CCNJL: variants seen among roughly 807,000 people sequenced by gnomAD.
CCNJL encodes cyclin-J-like protein.
A neutral mutation model predicts 33.4 loss-of-function variants in CCNJL; 33 were observed. The ratio of observed to expected loss-of-function variants is 0.99; its 90% CI spans 0.75 to 1.32. The LOEUF (loss-of-function observed/expected upper bound fraction) is 1.32. CCNJL is among the 40% of genes most tolerant of loss of function. CCNJL has a pLI of 0.00. For missense variants in CCNJL, 512 were observed against 499.7 expected (o/e 1.02, Z -0.23); for synonymous variants, 227 against 220.9 (o/e 1.03, Z -0.24).
rs1554115469 is a variant in CCNJL at position 160,249,801 on chromosome 5, T to TAAATA, written c.*3572_*3576dup. 1.1e-4 allele frequency: 15 copies of TAAATA among 138,614 alleles called. No homozygotes were observed. Among genetic ancestry groups the TAAATA allele is most frequent in the African/African-American group, 3.5e-4 (13 of 36,898 alleles). The allele number at this position is 138,614 out of a possible 1,614,324, so 8.6% of individuals were successfully genotyped here. On this transcript the variant is annotated 3_prime_UTR_variant, in exon 6 of 6. Coordinates refer to ENST00000257536, the MANE Select transcript of CCNJL (RefSeq NM_001308173.3). ...ATAAATAAATAAATAAATAAATAAA[T>TAAATA]AAATAAAATAAAAATTTAAAAAATC...
intron 2 of CCNJL, among the ~76,000 whole-genome samples, chr5:160,302,124 T>C (rs1233510221): frequency 6.6e-6 from 1 of 152,210 alleles, no homozygotes; most frequent in Non-Finnish European, 1.5e-5. Flanking sequence ...GATCTGTATA[T>C]TGTACTGTAT....
chr5:160,315,996 CAGA>C (rs904993930), upstream of CCNJL, among the ~76,000 whole-genome samples: 24 of 152,314 alleles, frequency 1.6e-4, no homozygotes, highest in African/African-American at 5.5e-4. Context: ...AGAGGGAAAG[CAGA>C]AGCTTTGGGC....
intron 1 of CCNJL, among the ~76,000 whole-genome samples, chr5:160,324,798 A>G (rs1198729707): frequency 1.3e-5 from 2 of 152,190 alleles, no homozygotes; most frequent in African/African-American, 4.8e-5. Context: ...ACTGTCCTTT[A>G]CCAATCTTTC....
intron 2 of CCNJL, among the ~76,000 whole-genome samples, chr5:160,299,612 T>TAAA (rs35587377): frequency 6.9e-6 from 1 of 144,906 alleles, no homozygotes; most frequent in Admixed American, 6.9e-5. Flanking sequence ...GTTGTTATGT[T>TAAA]AAAAAAAAAA....
At chr5:160,257,552 C>T (rs1761123600) in intron 4 of CCNJL, among the ~76,000 whole-genome samples, 1 of 151,994 alleles carries the variant, frequency 6.6e-6, no homozygotes, top group Admixed American at 6.6e-5. Context: ...GTGGCTCACG[C>T]CTGTAATCCC....
chr5:160,304,191 T>G (rs1763018467), intron 2 of CCNJL, among the ~76,000 whole-genome samples: 1 of 152,218 alleles, frequency 6.6e-6, no homozygotes, highest in Non-Finnish European at 1.5e-5. Context: ...ACTGAGCATT[T>G]TGGTATTCTA....
At chr5:160,291,802 G>T (rs554250932) in intron 2 of CCNJL, among the ~76,000 whole-genome samples, 17 of 152,330 alleles carry the variant, frequency 1.1e-4, no homozygotes, top group Admixed American at 4.6e-4. Flanking sequence ...TACAAAAAGC[G>T]CATGGCAGCT....
chr5:160,327,017 G>A, intron 1 of CCNJL: 1 of 432,014 alleles, frequency 2.3e-6, no homozygotes, highest in South Asian at 2.0e-5. Context: ...GATACAGTTT[G>A]TTTTTAGATG....
intron 2 of CCNJL, among the ~76,000 whole-genome samples, chr5:160,299,385 C>T (rs369704995): frequency 2.0e-5 from 3 of 152,136 alleles, no homozygotes; most frequent in East Asian, 1.9e-4. Context: ...TTCCTGACCT[C>T]AGGTGATCCA....
chr5:160,309,842 T>C (rs935177164), intron 2 of CCNJL, among the ~76,000 whole-genome samples: 1 of 152,190 alleles, frequency 6.6e-6, no homozygotes, highest in African/African-American at 2.4e-5. Context: ...CCATCAGTCC[T>C]TGGGTGAGCT....
chr5:160,287,651 G>A (rs1395434932), intron 2 of CCNJL, among the ~76,000 whole-genome samples: 1 of 152,246 alleles, frequency 6.6e-6, no homozygotes, highest in Non-Finnish European at 1.5e-5. Context: ...CAGCAGCGCA[G>A]TGCAGGAAGC....
chr5:160,305,714 C>T (rs540629544), intron 2 of CCNJL, among the ~76,000 whole-genome samples: 3 of 152,242 alleles, frequency 2.0e-5, no homozygotes, highest in African/African-American at 7.2e-5. Flanking sequence ...TGATACAATC[C>T]GCGGTTTCAT....
intron 3 of CCNJL, among the ~76,000 whole-genome samples, chr5:160,277,393 A>C (rs770133735): frequency 2.0e-5 from 3 of 152,186 alleles, no homozygotes; most frequent in Non-Finnish European, 4.4e-5. Context: ...ACGTTGTCAA[A>C]TTATCCTTTT....
chr5:160,306,362 T>C (rs1763098134), intron 2 of CCNJL, among the ~76,000 whole-genome samples: 1 of 151,182 alleles, frequency 6.6e-6, no homozygotes, highest in South Asian at 2.1e-4. Flanking sequence ...AAAAAATGCA[T>C]TAGGTGGCTG....
chr5:160,276,466 T>G (rs1044310522), intron 3 of CCNJL: 2 of 151,682 alleles, frequency 1.3e-5, no homozygotes, highest in African/African-American at 4.8e-5. Flanking sequence ...CTGATACATG[T>G]TGCAACATGG....
chr5:160,271,496 T>C (rs115521383), intron 3 of CCNJL, among the ~76,000 whole-genome samples: 1,739 of 152,260 alleles, frequency 0.011, 26 homozygotes, highest in African/African-American at 0.038. Context: ...TGACAGGCAG[T>C]TTACACAAAA....
At chr5:160,298,358 A>T (rs1762815833) in intron 2 of CCNJL, among the ~76,000 whole-genome samples, 2 of 142,616 alleles carry the variant, frequency 1.4e-5, no homozygotes, top group Non-Finnish European at 3.1e-5. Flanking sequence ...GACTCTATTT[A>T]AAAAAAAAAA....
intron 2 of CCNJL, among the ~76,000 whole-genome samples, chr5:160,286,245 G>A (rs1762402588): frequency 6.6e-6 from 1 of 152,238 alleles, no homozygotes; most frequent in Admixed American, 6.5e-5. Context: ...AGTGAGAGAA[G>A]AGAACTCAAG....
intron 1 of CCNJL, chr5:160,326,936 G>T (rs1213809666): frequency 1.6e-6 from 1 of 636,576 alleles, no homozygotes; most frequent in African/African-American, 1.8e-5. Flanking sequence ...ATGCTAAAAG[G>T]ACATAATATT....
Sources: gnomAD v4.1 joint callset for allele counts (sites outside exome capture counted in the v4.1 genomes callset) on GRCh38, gnomAD v4.1.1 for gene constraint, MANE v1.5 for transcripts, NCBI Gene and HGNC (gene_info 2026-07-23, HGNC 2026-07-21) for gene names.